The following SYT1 variants were observed in gnomAD, a reference collection of about 807,000 sequenced individuals.
SYT1 encodes the protein synaptotagmin 1, also known as synaptotagmin-1.
SYT1 carries 8 observed loss-of-function variants against 44.8 expected under a neutral mutation model. The ratio of observed to expected loss-of-function variants is 0.18; its 90% CI spans 0.10 to 0.32. The LOEUF (loss-of-function observed/expected upper bound fraction) is 0.32, where lower values mean the gene tolerates loss of function less well. Ranked by LOEUF, SYT1 falls within the 10% of genes least tolerant of loss-of-function variation. SYT1 has a pLI of 1.00. For synonymous variants in SYT1, 154 were observed against 188.8 expected (o/e 0.82, Z 1.51); for missense variants, 286 against 509.3 (o/e 0.56, Z 4.22).
At chr12:79,376,285 C>T (rs1292968263) in intron 9 of SYT1, among the ~76,000 whole-genome samples, 1 of 152,200 alleles carries the variant, frequency 6.6e-6, no homozygotes, top group Non-Finnish European at 1.5e-5. Context: ...ATAGACAGAG[C>T]AGTCCCGAGG....
chr12:79,219,214 T>C, intron 4 of SYT1, among the ~76,000 whole-genome samples: 1 of 152,082 alleles, frequency 6.6e-6, no homozygotes, highest in East Asian at 1.9e-4. Context: ...TTTATTTGTT[T>C]TCTTGCTGTT....
At chr12:79,361,556 TGG>T (rs1214000958) in intron 9 of SYT1, among the ~76,000 whole-genome samples, 1 of 152,186 alleles carries the variant, frequency 6.6e-6, no homozygotes, top group Non-Finnish European at 1.5e-5. Context: ...ATAAATCAGT[TGG>T]TTGACTGTTT....
chr12:79,319,559 C>T (rs1471839006), intron 8 of SYT1, among the ~76,000 whole-genome samples: 1 of 152,204 alleles, frequency 6.6e-6, no homozygotes, highest in Non-Finnish European at 1.5e-5. Flanking sequence ...ACACTCCACA[C>T]ATGCCCTATA....
intron 3 of SYT1, among the ~76,000 whole-genome samples, chr12:79,152,990 T>C (rs774969369): frequency 4.6e-5 from 7 of 151,866 alleles, no homozygotes; most frequent in Non-Finnish European, 1.0e-4. Context: ...TCATTATATA[T>C]AAGAATATTC....
chr12:79,161,395 C>T (rs960190869), intron 3 of SYT1, among the ~76,000 whole-genome samples: 2 of 152,130 alleles, frequency 1.3e-5, no homozygotes, highest in Non-Finnish European at 2.9e-5. Flanking sequence ...AAAGGCTACA[C>T]CATATAACCT....
intron 1 of SYT1, among the ~76,000 whole-genome samples, chr12:78,977,148 A>G (rs1386884397): frequency 6.6e-6 from 1 of 152,178 alleles, no homozygotes; most frequent in Non-Finnish European, 1.5e-5. Context: ...CCGAAAGGGC[A>G]AAGAAAGTGA....
intron 1 of SYT1, among the ~76,000 whole-genome samples, chr12:78,885,338 A>G (rs1282025963): frequency 3.4e-5 from 5 of 146,480 alleles, no homozygotes; most frequent in Middle Eastern, 3.4e-3. Flanking sequence ...GAGGGAAGGA[A>G]GAAAGGAAGG....
intron 9 of SYT1, among the ~76,000 whole-genome samples, chr12:79,417,175 C>T (rs1423288843): frequency 6.6e-6 from 1 of 152,128 alleles, no homozygotes; most frequent in Admixed American, 6.6e-5. Flanking sequence ...CTGTGTCTTC[C>T]TCCTAATCAT....
At chr12:79,139,118 T>A (rs1223414396) in intron 3 of SYT1, among the ~76,000 whole-genome samples, 1 of 152,084 alleles carries the variant, frequency 6.6e-6, no homozygotes, top group Non-Finnish European at 1.5e-5. Context: ...AGAAACAACA[T>A]CCAAGATGTC....
intron 8 of SYT1, among the ~76,000 whole-genome samples, chr12:79,345,383 G>A (rs1882563107): frequency 6.6e-6 from 1 of 152,150 alleles, no homozygotes; most frequent in Non-Finnish European, 1.5e-5. Flanking sequence ...CACTTCTGTA[G>A]TACAGTCAAT....
At chr12:79,106,181 A>G (rs1157811396) in intron 3 of SYT1, among the ~76,000 whole-genome samples, 1 of 152,228 alleles carries the variant, frequency 6.6e-6, no homozygotes, top group Non-Finnish European at 1.5e-5. Context: ...CTGGAAATGT[A>G]GGCTAACATT....
intron 1 of SYT1, among the ~76,000 whole-genome samples, chr12:78,902,651 G>GT (rs1875728202): frequency 6.6e-6 from 1 of 152,236 alleles, no homozygotes; most frequent in South Asian, 2.1e-4. Flanking sequence ...TAGACCTTGA[G>GT]TTTTTTAACA....
chr12:79,094,155 C>A (rs1399103412), intron 3 of SYT1, among the ~76,000 whole-genome samples: 1 of 151,570 alleles, frequency 6.6e-6, no homozygotes, highest in Admixed American at 6.6e-5. Context: ...TTTAGTTTAG[C>A]AATACTTTAA....
chr12:79,360,469 CAACA>C (rs1470159638), intron 9 of SYT1, among the ~76,000 whole-genome samples: 1 of 152,046 alleles, frequency 6.6e-6, no homozygotes, highest in Non-Finnish European at 1.5e-5. Flanking sequence ...GCTGAAAGCA[CAACA>C]AAGAAAAACA....
In SYT1 at chr12:79,122,278, G is replaced by T. The variant is rs994617349; in HGVS notation, c.-18+74916G>T. ...GCCTGTAATCCCAGCACTTTGGGAG[G>T]CCGAGGCGGGCGGATCACGAGGTCA... On this transcript the variant is annotated intron_variant, in intron 3 of 10. Transcript: ENST00000261205. Among the ~76,000 whole-genome samples the T allele has an allele frequency of 2.6e-5, 4 of 151,932 alleles. 1 individual carries two copies. Among genetic ancestry groups the T allele is most frequent in the Admixed American group, 2.6e-4 (4 of 15,276 alleles).
intron 1 of SYT1, among the ~76,000 whole-genome samples, chr12:78,921,679 A>C (rs2137164546): frequency 6.6e-6 from 1 of 152,078 alleles, no homozygotes; most frequent in Admixed American, 6.6e-5. Context: ...GCCTTGACAC[A>C]GTCATATTTA....
At chr12:79,345,097 T>C (rs1882547857) in intron 8 of SYT1, among the ~76,000 whole-genome samples, 1 of 152,104 alleles carries the variant, frequency 6.6e-6, no homozygotes, top group African/African-American at 2.4e-5. Context: ...ACCTTCCTTA[T>C]CTCAGCTCAG....
intron 2 of SYT1, among the ~76,000 whole-genome samples, chr12:78,988,246 C>T (rs1869787481): frequency 6.6e-6 from 1 of 151,284 alleles, no homozygotes; most frequent in Non-Finnish European, 1.5e-5. Context: ...ATTGGAGAAA[C>T]AGACAATAAA....
chr12:79,258,316 G>C (rs1463921314), intron 4 of SYT1, among the ~76,000 whole-genome samples: 1 of 152,146 alleles, frequency 6.6e-6, no homozygotes, highest in Non-Finnish European at 1.5e-5. Flanking sequence ...CTTTCAAACA[G>C]TTCAAAGGAA....
Sources: allele counts gnomAD v4.1 joint callset (sites outside exome capture counted in the v4.1 genomes callset), GRCh38; gene constraint gnomAD v4.1.1; transcripts MANE v1.5; gene names NCBI Gene and HGNC (gene_info 2026-07-23, HGNC 2026-07-21).